The following BCKDK variants were observed in gnomAD, a reference collection of about 807,000 sequenced individuals.
BCKDK encodes the protein branched chain keto acid dehydrogenase kinase.
In BCKDK, 28 loss-of-function variants were observed where a neutral mutation model predicts 43.9. The observed-to-expected ratio is 0.64, with a 90% CI of 0.47 to 0.87. The LOEUF (loss-of-function observed/expected upper bound fraction) is 0.87. Ranked by LOEUF, BCKDK falls within the 40% of genes least tolerant of loss-of-function variation. The pLI is 0.00. For missense variants in BCKDK, 483 were observed against 581.4 expected, an observed-to-expected ratio of 0.83 and a Z score of 1.74; for synonymous variants, 257 against 234.3, an observed-to-expected ratio of 1.10 and a Z score of -0.88.
rs2057423209 is a variant in BCKDK at position 31,112,566 on chromosome 16, C to T, written c.*301C>T. 2.0e-6 allele frequency: 1 copy of T among 504,806 alleles called. No homozygotes were observed. The highest frequency in any genetic ancestry group is 3.3e-5 in the Admixed American group (1 of 30,754). 31.3% of individuals were successfully genotyped at this position (504,806 alleles called of 1,614,324 possible). On this transcript the variant is annotated 3_prime_UTR_variant, in exon 12 of 12. Coordinates refer to ENST00000219794, the MANE Select transcript of BCKDK (RefSeq NM_005881.4). This position sits in a 1 kb window ranked among gnomAD's most constrained non-coding sequence, Gnocchi z 5.0. ...TTATTAAAGTTCACATTTTGAATGC[C>T]CTCTCGGGCCCCGTGTGTGGGGAGG...
Position 31,110,895 on chromosome 16 carries a change from T to C in BCKDK, c.716+134T>C. 7.3e-7 allele frequency: 1 copy of C among 1,372,324 alleles called. No individual in the cohort carries two copies. The allele number at this position is 1,372,324 out of a possible 1,614,324, so 85.0% of individuals were successfully genotyped here. A position where few individuals can be genotyped will look rare whatever the true frequency, so the allele number is the denominator to read the frequency against. ...GGCACTATTGACATTTCCAGCCAGA[T>C]AATTCTTTGTCACAGGGGCTGCCCC... On this transcript the variant is annotated intron_variant, in intron 8 of 11. Coordinates refer to ENST00000219794, the MANE Select transcript of BCKDK (RefSeq NM_005881.4). The surrounding 1 kb of genome is among the most constrained non-coding windows in gnomAD (Gnocchi z 5.4).
chr16:31,109,194 G>T lies in BCKDK; in HGVS notation c.-30G>T. 1 of 1,484,476 alleles carries T rather than the reference G, an allele frequency of 6.7e-7. No homozygotes were observed. Among genetic ancestry groups the T allele is most frequent in the Non-Finnish European group, 8.9e-7 (1 of 1,121,928 alleles). The allele number at this position is 1,484,476 out of a possible 1,614,324, so 92.0% of individuals were successfully genotyped here. ...CAGTCCTAGCGGATCCTCAGTCCTAGCGGCCACCGGGTCTGAAAGGAGCAA... is the reference window on the plus strand; with the variant it reads ...CAGTCCTAGCGGATCCTCAGTCCTATCGGCCACCGGGTCTGAAAGGAGCAA... On this transcript the variant is annotated 5_prime_UTR_variant, in exon 2 of 12. Coordinates refer to ENST00000219794, the MANE Select transcript of BCKDK (RefSeq NM_005881.4). The surrounding 1 kb of genome is among the most constrained non-coding windows in gnomAD (Gnocchi z 5.3).
At chr16:31,111,438 G>C (rs2057411962) in intron 10 of BCKDK, 49 bp downstream of exon 10, 4 of 1,584,152 alleles carry the variant, frequency 2.5e-6, no homozygotes, top group Non-Finnish European at 3.5e-6. Context: ...TGGGGGTCTA[G>C]GCACTGTTTC....
In BCKDK at chr16:31,112,207, C is replaced by T. The variant is rs763653927; in HGVS notation, c.1181C>T (p.Thr394Met). 1.3e-5 allele frequency: 21 copies of T among 1,612,336 alleles called. No individual in the cohort carries two copies. Among genetic ancestry groups the T allele is most frequent in the Non-Finnish European group, 1.5e-5 (18 of 1,180,018 alleles). The stretch of plus-strand genomic sequence containing the variant: ...CTGCAGTCCCTGCAGGGCATTGGCA[C>T]GGACGTCTACCTGCGGCTCCGCCAC... ...LQLQSLQGIG[T>M]DVYLRLRHID... Residue 394 changes from threonine (T) to methionine (M), a missense_variant, in exon 12 of 12, where the codon ACG (threonine) becomes ATG (methionine). By Grantham distance (81) the Thr-to-Met change is moderately conservative. Coordinates refer to ENST00000219794, the MANE Select transcript of BCKDK (RefSeq NM_005881.4). The surrounding 1 kb of genome is among the most constrained non-coding windows in gnomAD (Gnocchi z 5.0).
chr16:31,109,809 G>A lies in BCKDK; in HGVS notation c.375+26G>A, dbSNP rs574589732. On this transcript the variant is annotated intron_variant, in intron 4 of 11. Transcript: ENST00000219794. This position sits in a 1 kb window ranked among gnomAD's most constrained non-coding sequence, Gnocchi z 5.3. The stretch of plus-strand genomic sequence containing the variant: ...GTAAGGTAGAGAGGACCTTAGGTCA[G>A]CGGGCCACCCTGCCCCGGGGGCAAG... 9 of 1,608,600 alleles carry A rather than the reference G, an allele frequency of 5.6e-6. No individual in the cohort carries two copies. Among genetic ancestry groups the A allele is most frequent in the South Asian group, 2.2e-5 (2 of 90,966 alleles).
Position 31,111,080 on chromosome 16 carries a change from C to A in BCKDK, c.717-11C>A. 6.2e-7 allele frequency: 1 copy of A among 1,613,834 alleles called. No individual in the cohort carries two copies. On this transcript the variant is annotated splice_polypyrimidine_tract_variant and intron_variant, in intron 8 of 11. Transcript: ENST00000219794. ...AGGGGCCCCTGACTGAACCCTCGCTCCTATCCGCAGACGCCTGTGTGAGCA... is the reference window on the plus strand; with the variant it reads ...AGGGGCCCCTGACTGAACCCTCGCTACTATCCGCAGACGCCTGTGTGAGCA...
Position 31,109,797 on chromosome 16 carries a change from G to A in BCKDK, c.375+14G>A, listed in dbSNP as rs759779446. 22 of 1,611,784 alleles carry A rather than the reference G, an allele frequency of 1.4e-5. No individual in the cohort carries two copies. The highest frequency in any genetic ancestry group is 8.3e-5 in the Admixed American group (5 of 60,016). On this transcript the variant is annotated intron_variant, in intron 4 of 11. Coordinates refer to ENST00000219794, the MANE Select transcript of BCKDK (RefSeq NM_005881.4). This position sits in a 1 kb window ranked among gnomAD's most constrained non-coding sequence, Gnocchi z 5.3. The stretch of plus-strand genomic sequence containing the variant: ...ATACTGCACGTGGTAAGGTAGAGAG[G>A]ACCTTAGGTCAGCGGGCCACCCTGC...
chr16:31,111,212 G>C lies in BCKDK; in HGVS notation c.838G>C (p.Ala280Pro). ...CATCCTGCCGGAGCTGCTCAAGAAT[G>C]CCATGAGGTGGGGTGGCTTGATGTG... ...DYILPELLKN[A>P]MRATMESHLD... is the part of the protein sequence containing the mutation. Residue 280 changes from alanine to proline, a missense_variant, in exon 9 of 12, where the codon GCC becomes CCC. Coordinates refer to ENST00000219794, the MANE Select transcript of BCKDK (RefSeq NM_005881.4). 6.2e-7 allele frequency: 1 copy of C among 1,614,212 alleles called. No individual in the cohort carries two copies. The highest frequency in any genetic ancestry group is 2.2e-5 in the East Asian group (1 of 44,890).
chr16:31,110,294 G>A lies in BCKDK; in HGVS notation c.513G>A (p.Glu171=), dbSNP rs773378545. The change falls in exon 6 of 12, where the codon GAG becomes GAA. Residue 171 remains glutamate (E), a synonymous_variant. Coordinates refer to ENST00000219794, the MANE Select transcript of BCKDK (RefSeq NM_005881.4). The surrounding 1 kb of genome is among the most constrained non-coding windows in gnomAD (Gnocchi z 5.4). ...DHKDVVTLLA[E]GLRESRKHIE... The stretch of plus-strand genomic sequence containing the variant: ...AGGATGTGGTGACCCTCTTGGCAGA[G>A]GGCCTACGTGAGAGCCGGAAGCACA... 2 of 1,614,024 alleles carry A rather than the reference G, an allele frequency of 1.2e-6. No homozygotes were observed. Among genetic ancestry groups the A allele is most frequent in the Non-Finnish European group, 1.7e-6 (2 of 1,179,970 alleles).
At chr16:31,116,556 A>C (rs930183695), downstream of BCKDK, among the ~76,000 whole-genome samples, 4 of 151,976 alleles carry the variant, frequency 2.6e-5, no homozygotes, top group African/African-American at 7.2e-5. Context: ...GTCCCTGGAC[A>C]CACCCGTTCT....
downstream of BCKDK, chr16:31,117,636 A>G (rs879722727): frequency 3.9e-5 from 53 of 1,351,250 alleles, no homozygotes; most frequent in Non-Finnish European, 4.7e-5. Context: ...CCCGGAGCCA[A>G]AAGAACTGCG....
chr16:31,111,807 TGGGGGGTGG>T, intron 10 of BCKDK, 53 bp from the exon 11 acceptor site: 1 of 1,595,872 alleles, frequency 6.3e-7, no homozygotes, highest in Non-Finnish European at 8.6e-7. Context: ...ACTGTCTGCT[TGGGGGGTGG>T]TGAGTACCCC....
chr16:31,110,149 G>A lies in BCKDK; in HGVS notation c.423+25G>A. 6.2e-7 allele frequency: 1 copy of A among 1,614,216 alleles called. No individual in the cohort carries two copies. Among genetic ancestry groups the A allele is most frequent in the Non-Finnish European group, 8.5e-7 (1 of 1,180,024 alleles). On this transcript the variant is annotated intron_variant, in intron 5 of 11. Transcript: ENST00000219794. This position sits in a 1 kb window ranked among gnomAD's most constrained non-coding sequence, Gnocchi z 5.4. ...GGTGAGTGCTGGGCCAGAGCAGGGT[G>A]AGGGGCTGAGAGGTTGGGCTTGGAC...
downstream of BCKDK, chr16:31,115,777 TC>T (rs1264073876): frequency 1.3e-5 from 2 of 151,980 alleles, no homozygotes; most frequent in Non-Finnish European, 2.9e-5. Context: ...GAAGCGATCC[TC>T]CTGCTTGGAT....
chr16:31,112,274 C>A lies in BCKDK; in HGVS notation c.*9C>A, dbSNP rs199965337. On this transcript the variant is annotated 3_prime_UTR_variant, in exon 12 of 12. Coordinates refer to ENST00000219794, the MANE Select transcript of BCKDK (RefSeq NM_005881.4). This position sits in a 1 kb window ranked among gnomAD's most constrained non-coding sequence, Gnocchi z 5.0. ...AAAGCTTCCGGATCTGACCCCACAG[C>A]CTTTGGCCTGCTCACCCGACCAGCC... 1.6e-4 allele frequency: 252 copies of A among 1,606,882 alleles called. No individual in the cohort carries two copies. The East Asian group carries it at 2.9e-3, about 19-fold the overall frequency.
chr16:31,117,456 C>T (rs914287289), downstream of BCKDK: 9 of 399,062 alleles, frequency 2.3e-5, no homozygotes, highest in Middle Eastern at 6.3e-4. Context: ...CCTCTCCTCA[C>T]CCATAGGCTG....
At position 31,110,913 on chromosome 16, in the gene BCKDK, G is replaced by A; in HGVS notation, c.716+152G>A. The A allele has an allele frequency of 1.5e-6, 2 of 1,310,866 alleles. No individual in the cohort carries two copies. Among genetic ancestry groups the A allele is most frequent in the Admixed American group, 2.0e-5 (1 of 49,654 alleles). 81.2% of individuals were successfully genotyped at this position (1,310,866 alleles called of 1,614,324 possible). A position where few individuals can be genotyped will look rare whatever the true frequency, so the allele number is the denominator to read the frequency against. ...AGCCAGATAATTCTTTGTCACAGGG[G>A]CTGCCCCGTGCACGTTAGGAAGTTC... is the stretch of plus-strand genomic sequence containing the variant. On this transcript the variant is annotated intron_variant, in intron 8 of 11. Coordinates refer to ENST00000219794, the MANE Select transcript of BCKDK (RefSeq NM_005881.4). This position sits in a 1 kb window ranked among gnomAD's most constrained non-coding sequence, Gnocchi z 5.4.
In BCKDK at chr16:31,111,167, A is replaced by T; in HGVS notation, c.793A>T (p.Ile265Phe). 1.9e-6 allele frequency: 3 copies of T among 1,614,078 alleles called. No individual in the cohort carries two copies. The South Asian group carries it at 3.3e-5, about 18-fold the overall frequency. The change falls in exon 9 of 12, where the codon ATC becomes TTC. Residue 265 changes from isoleucine to phenylalanine, a missense_variant. By Grantham distance (21) the Ile-to-Phe change is conservative. Transcript: ENST00000219794. Reference protein sequence around the residue: ...NGHVAARFPFIPMPLDYILPE... With the variant: ...NGHVAARFPFFPMPLDYILPE... The stretch of plus-strand genomic sequence containing the variant: ...CCATGTGGCTGCCCGGTTCCCCTTC[A>T]TCCCTATGCCACTGGACTACATCCT...
rs141335706 is a variant in BCKDK, at chr16:31,112,211, C to T, written c.1185C>T (p.Asp395=). 2.0e-4 allele frequency: 326 copies of T among 1,612,092 alleles called. No individual in the cohort carries two copies. The highest frequency in any genetic ancestry group is 6.0e-4 in the African/African-American group (45 of 75,080). The change falls in exon 12 of 12, where the codon GAC becomes GAT. Residue 395 remains aspartate, a synonymous_variant. Coordinates refer to ENST00000219794, the MANE Select transcript of BCKDK (RefSeq NM_005881.4). The surrounding 1 kb of genome is among the most constrained non-coding windows in gnomAD (Gnocchi z 5.0). ...QLQSLQGIGT[D]VYLRLRHIDG... is the part of the protein sequence containing the mutation. ...AGTCCCTGCAGGGCATTGGCACGGA[C>T]GTCTACCTGCGGCTCCGCCACATCG...
Sources: allele counts gnomAD v4.1 joint callset (sites outside exome capture counted in the v4.1 genomes callset), GRCh38; gene constraint gnomAD v4.1.1; non-coding constraint Gnocchi (gnomAD v3.1); transcripts MANE v1.5; gene names NCBI Gene and HGNC (gene_info 2026-07-23, HGNC 2026-07-21).